CFAP95: variants seen among roughly 807,000 people sequenced by gnomAD.
CFAP95 encodes the protein cilia- and flagella-associated protein 95.
chr9:69,865,376 A>G, the CFAP95 span, among the ~76,000 whole-genome samples: 10 of 152,202 alleles, frequency 6.6e-5, no homozygotes, highest in Middle Eastern at 3.2e-3. Flanking sequence ...GGGGTGATGA[A>G]AGGCCATGAG....
chr9:69,826,266 C>A, the CFAP95 span, among the ~76,000 whole-genome samples: 1 of 152,152 alleles, frequency 6.6e-6, no homozygotes, highest in African/African-American at 2.4e-5. Context: ...AGTTCCAAGA[C>A]ACTAGGATAT....
At chr9:69,821,050 C>CT in the CFAP95 span, 1 of 1,610,218 alleles carries the variant, frequency 6.2e-7, no homozygotes, top group East Asian at 2.2e-5. Context: ...AGTCCCCTCG[C>CT]AAGTTCCCGG....
chr9:69,891,367 G>A, the CFAP95 span, among the ~76,000 whole-genome samples: 5 of 152,146 alleles, frequency 3.3e-5, no homozygotes, highest in African/African-American at 1.2e-4. Flanking sequence ...CTTCCTGGAT[G>A]CACTATGACT....
At chr9:69,836,196 T>A in the CFAP95 span, among the ~76,000 whole-genome samples, 1 of 152,212 alleles carries the variant, frequency 6.6e-6, no homozygotes, top group Non-Finnish European at 1.5e-5. Context: ...AGCTTTATGT[T>A]GGCCCCATCC....
the CFAP95 span, among the ~76,000 whole-genome samples, chr9:69,855,829 C>A: frequency 1.3e-5 from 2 of 152,012 alleles, no homozygotes; most frequent in African/African-American, 4.8e-5. Context: ...CTTTAAAAAA[C>A]AACAACAACA....
the CFAP95 span, among the ~76,000 whole-genome samples, chr9:69,858,547 T>G: frequency 6.6e-6 from 1 of 152,176 alleles, no homozygotes; most frequent in Non-Finnish European, 1.5e-5. Flanking sequence ...ACACATGTGT[T>G]AGACAAGCTT....
At chr9:69,893,093 G>A in the CFAP95 span, among the ~76,000 whole-genome samples, 1 of 152,220 alleles carries the variant, frequency 6.6e-6, no homozygotes, top group Non-Finnish European at 1.5e-5. Context: ...GGATGGCAAA[G>A]CTAAGACAGT....
chr9:69,905,895 G>T, the CFAP95 span: 2,494 of 1,245,084 alleles, frequency 2.0e-3, 9 homozygotes, highest in Non-Finnish European at 1.8e-3. Flanking sequence ...AACTTTTGAA[G>T]ATTACTTCTT....
the CFAP95 span, among the ~76,000 whole-genome samples, chr9:69,823,126 T>A: frequency 1.3e-5 from 2 of 152,150 alleles, no homozygotes; most frequent in Non-Finnish European, 2.9e-5. Context: ...TCAGGAAACT[T>A]ACAACCATGG....
chr9:69,837,402 G>C, the CFAP95 span, among the ~76,000 whole-genome samples: 6 of 151,676 alleles, frequency 4.0e-5, no homozygotes, highest in African/African-American at 1.5e-4. Flanking sequence ...GTTGTTTCCT[G>C]ACTTTTTAAT....
At chr9:69,902,117 C>G in the CFAP95 span, 1 of 270,974 alleles carries the variant, frequency 3.7e-6, no homozygotes, top group Non-Finnish European at 7.3e-6. Flanking sequence ...TCTCATTCGT[C>G]TAGTGTAACA....
chr9:69,843,541 TCC>T, the CFAP95 span, among the ~76,000 whole-genome samples: 74 of 28,814 alleles, frequency 2.6e-3, 15 homozygotes, highest in Non-Finnish European at 3.7e-3. Flanking sequence ...CTCCTCCTCC[TCC>T]TCCTCCTCCT....
chr9:69,825,010 G>T, the CFAP95 span, among the ~76,000 whole-genome samples: 43,184 of 152,068 alleles, frequency 0.28, 6,743 homozygotes, highest in South Asian at 0.36. Flanking sequence ...GTCCTACAAA[G>T]CTGAATAAAA....
chr9:69,882,976 A>T, the CFAP95 span, among the ~76,000 whole-genome samples: 1 of 152,150 alleles, frequency 6.6e-6, no homozygotes, highest in Non-Finnish European at 1.5e-5. Flanking sequence ...ATGAATTTGG[A>T]AGTATACCTT....
chr9:69,871,777 TG>T, the CFAP95 span, among the ~76,000 whole-genome samples: 1 of 152,168 alleles, frequency 6.6e-6, no homozygotes, highest in Non-Finnish European at 1.5e-5. Flanking sequence ...GAGAGATTAC[TG>T]ATCTGTCCCA....
At chr9:69,843,526 T>A in the CFAP95 span, among the ~76,000 whole-genome samples, 27 of 16,256 alleles carry the variant, frequency 1.7e-3, 6 homozygotes, top group African/African-American at 5.9e-3. Flanking sequence ...CTCCTCCTCC[T>A]CCTCCTCCTC....
At chr9:69,882,075 C>T in the CFAP95 span, among the ~76,000 whole-genome samples, 2 of 151,938 alleles carry the variant, frequency 1.3e-5, no homozygotes, top group African/African-American at 4.8e-5. Flanking sequence ...CGCTGCCTCC[C>T]AAGTTCAAGC....
the CFAP95 span, among the ~76,000 whole-genome samples, chr9:69,900,292 G>T: frequency 6.6e-6 from 1 of 152,092 alleles, no homozygotes; most frequent in Non-Finnish European, 1.5e-5. Flanking sequence ...ACTAGTATGA[G>T]CAGAGTGGGT....
At chr9:69,858,097 T>C in the CFAP95 span, 2 of 799,282 alleles carry the variant, frequency 2.5e-6, no homozygotes, top group Non-Finnish European at 4.2e-6. Flanking sequence ...TTACATGACA[T>C]CTTCGACTTG....
Sources: gnomAD v4.1 joint callset for allele counts (sites outside exome capture counted in the v4.1 genomes callset) on GRCh38, gnomAD v4.1.1 for gene constraint, MANE v1.5 for transcripts, NCBI Gene and HGNC (gene_info 2026-07-23, HGNC 2026-07-21) for gene names.